ARID1B: variants seen among roughly 807,000 people sequenced by gnomAD.
ARID1B encodes AT-rich interactive domain-containing protein 1B.
Under a neutral mutation model 212.3 loss-of-function variants are expected in ARID1B, and 30 were observed. That is an observed-to-expected ratio of 0.14 (90% CI 0.11 to 0.19). The LOEUF is 0.19. ARID1B is among the 10% of genes least tolerant of loss of function. The pLI is 1.00. For missense variants in ARID1B, 2,891 were observed against 3,204.0 expected (o/e 0.90, Z 2.36); for synonymous variants, 1,402 against 1,301.7 (o/e 1.08, Z -1.66).
At chr6:157,124,027 A>G (rs1236379992) in intron 6 of ARID1B, among the ~76,000 whole-genome samples, 7 of 152,246 alleles carry the variant, frequency 4.6e-5, no homozygotes, top group African/African-American at 1.2e-4. Context: ...CATTTAGGCC[A>G]TGGAAATAAT....
intron 15 of ARID1B, chr6:157,195,086 C>G (rs1443068801): frequency 3.3e-5 from 5 of 152,150 alleles, no homozygotes; most frequent in Admixed American, 2.6e-4. Flanking sequence ...GGATCTGGGC[C>G]TGTATTAGTT....
chr6:156,883,186 T>A (rs1280545100), intron 2 of ARID1B, among the ~76,000 whole-genome samples: 7 of 152,240 alleles, frequency 4.6e-5, no homozygotes, highest in Admixed American at 2.0e-4. Context: ...GCTTGCAGAT[T>A]CTCAATTATA....
rs750713205 is a variant in ARID1B at position 157,200,957 on chromosome 6, T to C, written c.4732T>C (p.Ser1578Pro). The part of the protein sequence containing the change: ...PQMMGGPLQS[S>P]SSEGPQQNMW... ...GATGATGGGCGGCCCGCTGCAGTCG[T>C]CCTCCAGTGAGGGGCCTCAGCAGAA... The change falls in exon 18 of 20, where the codon TCC (serine) becomes CCC (proline). Residue 1578 changes from serine to proline, a missense_variant. This residue lies in a region of ARID1B where 666 missense variants were observed against 873.5 expected (regional missense o/e 0.76). Coordinates refer to ENST00000636930, the MANE Select transcript of ARID1B (RefSeq NM_001374828.1). This position sits in a 1 kb window ranked among gnomAD's most constrained non-coding sequence, Gnocchi z 4.3. The C allele has an allele frequency of 1.2e-6, 2 of 1,613,980 alleles. No individual in the cohort carries two copies. Among genetic ancestry groups the C allele is most frequent in the Admixed American group, 3.3e-5 (2 of 60,014 alleles).
rs1336589954 is a variant in ARID1B at position 157,206,420 on chromosome 6, A to G, written c.5648A>G (p.Lys1883Arg). The G allele has an allele frequency of 6.2e-7, 1 of 1,614,200 alleles. No individual in the cohort carries two copies. Among genetic ancestry groups the G allele is most frequent in the East Asian group, 2.2e-5 (1 of 44,886 alleles). ...AGCGAGAAGACAGAAAGCGATGAAAAGAGCAGCATCGCTCTGACTGCCCCG... is the reference window on the plus strand; with the variant it reads ...AGCGAGAAGACAGAAAGCGATGAAAGGAGCAGCATCGCTCTGACTGCCCCG... The part of the protein sequence containing the change: ...EDSEKTESDE[K>R]SSIALTAPDA... Residue 1883 changes from lysine (K) to arginine (R), a missense_variant, in exon 20 of 20, where the codon AAG becomes AGG. Lys to Arg is a conservative substitution (Grantham distance 26). Around this residue, in one of 7 missense-constraint regions of ARID1B, gnomAD observed 332 missense variants for 369.2 expected, o/e 0.90. Transcript: ENST00000636930. This position sits in a 1 kb window ranked among gnomAD's most constrained non-coding sequence, Gnocchi z 6.8.
chr6:157,121,070 G>A (rs549380809), intron 6 of ARID1B, among the ~76,000 whole-genome samples: 1 of 152,328 alleles, frequency 6.6e-6, no homozygotes, highest in Non-Finnish European at 1.5e-5. Flanking sequence ...TGTGTCCCAT[G>A]AAGAGGAAAA....
chr6:157,093,449 A>G (rs1441919511), intron 5 of ARID1B, among the ~76,000 whole-genome samples: 1 of 152,194 alleles, frequency 6.6e-6, no homozygotes, highest in Non-Finnish European at 1.5e-5. Context: ...ACACACTTGC[A>G]TCTTTGATTT....
At chr6:156,921,438 AACACACACAC>A (rs10560265) in intron 3 of ARID1B, among the ~76,000 whole-genome samples, 23,959 of 135,594 alleles carry the variant, frequency 0.18, 2,514 homozygotes, top group East Asian at 0.37. Flanking sequence ...TTGATGGGAA[AACACACACAC>A]ACACACACAC....
chr6:157,076,176 G>A (rs1041710217), intron 4 of ARID1B, among the ~76,000 whole-genome samples: 6 of 152,138 alleles, frequency 3.9e-5, no homozygotes, highest in African/African-American at 1.4e-4. Flanking sequence ...TTTTCTTATG[G>A]TTCATGTGAA....
At chr6:157,049,469 T>C (rs148634622) in intron 4 of ARID1B, among the ~76,000 whole-genome samples, 1 of 152,304 alleles carries the variant, frequency 6.6e-6, no homozygotes, top group Non-Finnish European at 1.5e-5. Context: ...AGTTAAGTCC[T>C]ACAGGAGATT....
chr6:157,007,253 A>G (rs1779301196), intron 4 of ARID1B, among the ~76,000 whole-genome samples: 1 of 152,202 alleles, frequency 6.6e-6, no homozygotes, highest in African/African-American at 2.4e-5. Context: ...AAGGTAGAAA[A>G]ATGCTTTTTA....
intron 6 of ARID1B, among the ~76,000 whole-genome samples, chr6:157,126,110 T>C (rs1454218265): frequency 6.6e-6 from 1 of 152,160 alleles, no homozygotes; most frequent in Non-Finnish European, 1.5e-5. Flanking sequence ...GTTTGATAGC[T>C]CAGATAGAAC....
At chr6:156,827,533 A>G (rs1562415899) in intron 1 of ARID1B, among the ~76,000 whole-genome samples, 1 of 152,204 alleles carries the variant, frequency 6.6e-6, no homozygotes, top group Non-Finnish European at 1.5e-5. Flanking sequence ...CTGAGCCTGT[A>G]GAATGCCCTG....
chr6:157,048,382 G>A (rs575249918), intron 4 of ARID1B, among the ~76,000 whole-genome samples: 225 of 152,248 alleles, frequency 1.5e-3, no homozygotes, highest in African/African-American at 3.4e-3. Flanking sequence ...TTTTACAACC[G>A]AAGTAATGCA....
Position 157,187,465 on chromosome 6 carries a change from A to G in ARID1B, c.3920-2177A>G, listed in dbSNP as rs530215272. 2.0e-5 allele frequency among the ~76,000 whole-genome samples: 3 copies of G among 152,308 alleles called. No individual in the cohort carries two copies. The East Asian group carries it at 5.8e-4, about 29-fold the overall frequency. Reference sequence around the variant, plus strand: ...GGTGCCCTCTGGTTGACCTCTAGTCACTGTAGACCTGGGACATATCAGCTA... The same window carrying G: ...GGTGCCCTCTGGTTGACCTCTAGTCGCTGTAGACCTGGGACATATCAGCTA... On this transcript the variant is annotated intron_variant, in intron 13 of 19. Coordinates refer to ENST00000636930, the MANE Select transcript of ARID1B (RefSeq NM_001374828.1).
intron 1 of ARID1B, among the ~76,000 whole-genome samples, chr6:156,789,644 A>G (rs1249621535): frequency 2.0e-5 from 3 of 152,192 alleles, no homozygotes; most frequent in African/African-American, 7.2e-5. Context: ...ATGAGCTAAG[A>G]CTTGGTTAAT....
At chr6:157,098,719 G>T (rs1016800592) in intron 5 of ARID1B, among the ~76,000 whole-genome samples, 5 of 152,104 alleles carry the variant, frequency 3.3e-5, no homozygotes, top group African/African-American at 4.8e-5. Flanking sequence ...TTATTTAATG[G>T]CTGTTTTATC....
At chr6:156,897,218 G>GCTT (rs796265973) in intron 2 of ARID1B, among the ~76,000 whole-genome samples, 2,094 of 91,054 alleles carry the variant, frequency 0.023, 48 homozygotes, top group Middle Eastern at 0.057. Context: ...TGCTGCTGCT[G>GCTT]CTTCTTCTTC....
intron 6 of ARID1B, among the ~76,000 whole-genome samples, chr6:157,128,939 C>T (rs1343245261): frequency 1.3e-5 from 2 of 152,196 alleles, no homozygotes; most frequent in East Asian, 3.8e-4. Context: ...ATAATACACC[C>T]TTTTTAACCC....
chr6:156,982,024 C>G (rs1373726959), intron 4 of ARID1B, among the ~76,000 whole-genome samples: 2 of 150,778 alleles, frequency 1.3e-5, no homozygotes, highest in Non-Finnish European at 3.0e-5. Context: ...CCTGGGATGT[C>G]TCTTTTTTTT....
Sources: gnomAD v4.1 joint callset for allele counts (sites outside exome capture counted in the v4.1 genomes callset) on GRCh38, gnomAD v4.1.1 for gene constraint, gnomAD v4.1.1 regional missense constraint, Gnocchi (gnomAD v3.1) non-coding constraint, MANE v1.5 for transcripts, NCBI Gene and HGNC (gene_info 2026-07-23, HGNC 2026-07-21) for gene names.